The following IL31RA variants were observed in gnomAD, a reference collection of about 807,000 sequenced individuals.
The protein encoded by IL31RA is interleukin-31 receptor subunit alpha.
A neutral mutation model predicts 83.7 loss-of-function variants in IL31RA; 66 were observed. That is an observed-to-expected ratio of 0.79 (90% CI 0.65 to 0.97). The LOEUF (loss-of-function observed/expected upper bound fraction) is 0.97. Among genes scored for constraint, IL31RA ranks in the 50% least tolerant of loss-of-function variants. The probability of loss-of-function intolerance (pLI) is 0.00; values close to 1 mark genes in which losing one functional copy is unlikely to be tolerated. For synonymous variants in IL31RA, 325 were observed against 329.0 expected (o/e 0.99, Z 0.13); for missense variants, 798 against 919.4 (o/e 0.87, Z 1.71).
At chr5:55,902,897 G>A (rs1233751893) in intron 8 of IL31RA, among the ~76,000 whole-genome samples, 4 of 152,176 alleles carry the variant, frequency 2.6e-5, no homozygotes, top group Admixed American at 2.6e-4. Context: ...AGGGATTCAG[G>A]CAAGCTTAGT....
In IL31RA at chr5:55,917,321, C is replaced by T. The variant is rs1749849365; in HGVS notation, c.*201C>T. Reference sequence around the variant, plus strand: ...TGGGAAGAAGGGATGGTGATAAGCCCGAGTTTTGTAAAGGAACAGCAGTCT... The same window carrying T: ...TGGGAAGAAGGGATGGTGATAAGCCTGAGTTTTGTAAAGGAACAGCAGTCT... On this transcript the variant is annotated 3_prime_UTR_variant, in exon 15 of 15. Transcript: ENST00000652347. 12 of 1,453,574 alleles carry T rather than the reference C, an allele frequency of 8.3e-6. No homozygotes were observed. The highest frequency in any genetic ancestry group is 2.5e-5 in the Admixed American group (1 of 39,602). The allele number at this position is 1,453,574 out of a possible 1,614,324, so 90.0% of individuals were successfully genotyped here. A position where few individuals can be genotyped will look rare whatever the true frequency, so the allele number is the denominator to read the frequency against.
chr5:55,848,468 A>G (rs535944191), upstream of IL31RA, among the ~76,000 whole-genome samples: 3 of 152,212 alleles, frequency 2.0e-5, no homozygotes, highest in East Asian at 5.8e-4. Flanking sequence ...TTGCTTTTTC[A>G]ACATTTCCTT....
chr5:55,861,737 C>T (rs898880489), intron 2 of IL31RA, among the ~76,000 whole-genome samples: 3 of 152,188 alleles, frequency 2.0e-5, no homozygotes, highest in Non-Finnish European at 4.4e-5. Flanking sequence ...CACCCTTTCC[C>T]TCCACTTGTC....
chr5:55,918,482 G>A lies in IL31RA; in HGVS notation c.*1362G>A, dbSNP rs115257614. 3.2e-3 allele frequency among the ~76,000 whole-genome samples: 487 copies of A among 152,316 alleles called. 5 individuals are homozygous for A. The highest frequency in any genetic ancestry group is 0.011 in the African/African-American group (473 of 41,568). ...CCAGTATGATGATTTCTGAGTTGCC[G>A]TAGGTTTGTGACTCAGTCACATTTG... On this transcript the variant is annotated 3_prime_UTR_variant, in exon 15 of 15. Transcript: ENST00000652347.
chr5:55,884,790 C>T (rs327239), intron 5 of IL31RA, among the ~76,000 whole-genome samples: 152,179 of 152,318 alleles, frequency 1, 76,020 homozygotes, highest in Non-Finnish European at 1. Context: ...GAAGACTTGC[C>T]AGTAAAACAT....
chr5:55,843,492 A>G, the IL31RA span, among the ~76,000 whole-genome samples: 3 of 152,176 alleles, frequency 2.0e-5, no homozygotes, highest in Non-Finnish European at 4.4e-5. Flanking sequence ...TTCTGCAGCT[A>G]TGAATTTTGA....
intron 1 of IL31RA, 87 bp downstream of exon 1, chr5:55,851,720 T>C: frequency 6.2e-7 from 1 of 1,612,248 alleles, no homozygotes; most frequent in Non-Finnish European, 8.5e-7. Context: ...GAGGGTTGAT[T>C]TTACCTACCT....
chr5:55,912,192 T>C (rs1749537494), intron 12 of IL31RA, among the ~76,000 whole-genome samples: 3 of 152,196 alleles, frequency 2.0e-5, no homozygotes. Context: ...CTATAATCCA[T>C]TTTCCACACA....
chr5:55,913,441 A>T (rs778301051), intron 12 of IL31RA, 36 bp from the exon 13 acceptor site: 1 of 1,300,120 alleles, frequency 7.7e-7, no homozygotes, highest in South Asian at 1.2e-5. Context: ...GAAGGTGAGG[A>T]ACTCACTACT....
At chr5:55,864,559 CAT>C (rs1380766302) in intron 2 of IL31RA, among the ~76,000 whole-genome samples, 7 of 150,520 alleles carry the variant, frequency 4.7e-5, no homozygotes, top group African/African-American at 7.3e-5. Context: ...ACACACCACA[CAT>C]ATGTCACACA....
In IL31RA at chr5:55,898,765, G is replaced by A. The variant is rs60902093; in HGVS notation, c.853-1151G>A. ...AATGGGGCTGGGCGTGGACTGGGCC[G>A]GTAATCCCAGCACTTTGGGAGGCCA... On this transcript the variant is annotated intron_variant, in intron 7 of 14. Transcript: ENST00000652347. Among the ~76,000 whole-genome samples, 1,458 of 151,866 alleles carry A rather than the reference G, an allele frequency of 9.6e-3. 21 individuals carry two copies. The highest frequency in any genetic ancestry group is 0.033 in the African/African-American group (1,381 of 41,434).
chr5:55,896,242 C>T (rs1490569409), intron 6 of IL31RA, 108 bp from the exon 7 acceptor site: 1 of 780,228 alleles, frequency 1.3e-6, no homozygotes, highest in Non-Finnish European at 2.3e-6. Context: ...CACCTTATTC[C>T]CAATGGCTCC....
chr5:55,917,274 C>T lies in IL31RA; in HGVS notation c.*154C>T, dbSNP rs544793451. ...CCTTGAGCTGCCAGTTGAACTTGGT[C>T]GGCAAAGATGCGACCTTGTACTGGG... On this transcript the variant is annotated 3_prime_UTR_variant, in exon 15 of 15. Transcript: ENST00000652347. The T allele has an allele frequency of 4.2e-4, 657 of 1,556,020 alleles. 6 individuals carry two copies. In the South Asian group the frequency reaches 6.8e-3, roughly 16 times the overall value.
chr5:55,908,790 T>C, intron 11 of IL31RA: 3 of 1,403,302 alleles, frequency 2.1e-6, no homozygotes, highest in Non-Finnish European at 2.8e-6. Flanking sequence ...CCCTGCCAAA[T>C]CATGCTTTTG....
At chr5:55,852,454 G>A (rs1176796569) in intron 1 of IL31RA, 1 of 152,236 alleles carries the variant, frequency 6.6e-6, no homozygotes, top group East Asian at 1.9e-4. Context: ...TTACAGGCGT[G>A]AGCCACCACG....
intron 11 of IL31RA, chr5:55,908,857 TG>T: frequency 1.5e-6 from 2 of 1,330,444 alleles, no homozygotes; most frequent in Non-Finnish European, 1.9e-6. Flanking sequence ...CTTGGATTCT[TG>T]CTTAGGCTAA....
rs781144358 is a variant in IL31RA, at chr5:55,883,179, TCAA to T, written c.593_595del (p.Asn198del). 3.7e-6 allele frequency: 6 copies of T among 1,613,914 alleles called. 1 individual carries two copies. The South Asian group carries it at 6.6e-5, about 18-fold the overall frequency. On this transcript the variant is annotated inframe_deletion, in exon 5 of 15. Transcript: ENST00000652347. ...AAATACACACTTCGATTCAGGACAG[TCAA>T]CAGTACCAGCTGGGTAAGTTATGCC... is the stretch of plus-strand genomic sequence containing the variant.
Position 55,910,631 on chromosome 5 carries a change from G to A in IL31RA, c.1601G>A (p.Gly534Glu). 5 of 1,614,136 alleles carry A rather than the reference G, an allele frequency of 3.1e-6. No individual in the cohort carries two copies. The highest frequency in any genetic ancestry group is 3.4e-6 in the Non-Finnish European group (4 of 1,179,982). ...VQVMASTSAG[G>E]TNGTSINFKT... ...GTCATGGCCAGCACCAGTGCTGGGG[G>A]AACCAACGGGACCAGCATAAATTTC... Residue 534 changes from glycine to glutamate, a missense_variant, in exon 12 of 15, where the codon GGA becomes GAA. By Grantham distance (98) the Gly-to-Glu change is moderately conservative (BLOSUM62 -2). Transcript: ENST00000652347.
In IL31RA at chr5:55,919,171, G is replaced by T. The variant is rs1279921873; in HGVS notation, c.*2051G>T. On this transcript the variant is annotated 3_prime_UTR_variant, in exon 15 of 15. Coordinates refer to ENST00000652347, the MANE Select transcript of IL31RA (RefSeq NM_139017.7). Reference sequence around the variant, plus strand: ...CTCCTGTCTTGGCCCGAGGATGGGGGAGGGCACGGGTACCCCCACAGCTGT... The same window carrying T: ...CTCCTGTCTTGGCCCGAGGATGGGGTAGGGCACGGGTACCCCCACAGCTGT... 6.6e-6 allele frequency among the ~76,000 whole-genome samples: 1 copy of T among 152,154 alleles called. No homozygotes were observed. Among genetic ancestry groups the T allele is most frequent in the African/African-American group, 2.4e-5 (1 of 41,444 alleles).
Sources: gnomAD v4.1 joint callset for allele counts (sites outside exome capture counted in the v4.1 genomes callset) on GRCh38, gnomAD v4.1.1 for gene constraint, MANE v1.5 for transcripts, NCBI Gene and HGNC (gene_info 2026-07-23, HGNC 2026-07-21) for gene names.